The following ARHGEF6 variants were observed in gnomAD, a reference collection of about 807,000 sequenced individuals.
The protein encoded by ARHGEF6 is rho guanine nucleotide exchange factor 6.
Under a neutral mutation model 70.3 loss-of-function variants are expected in ARHGEF6, and 9 were observed. The ratio of observed to expected loss-of-function variants is 0.13; its 90% confidence interval spans 0.08 to 0.22. The LOEUF (loss-of-function observed/expected upper bound fraction) is 0.22. Among genes scored for constraint, ARHGEF6 ranks in the 10% least tolerant of loss-of-function variants. ARHGEF6 has a pLI of 1.00. For missense variants in ARHGEF6, 470 were observed against 563.0 expected (o/e 0.83, Z 1.67); for synonymous variants, 201 against 207.8 (o/e 0.97, Z 0.28).
At chrX:136,761,286 C>T (rs1335241206) in intron 2 of ARHGEF6, among the ~76,000 whole-genome samples, 2 of 111,947 alleles carry the variant, frequency 1.8e-5, no homozygotes, top group African/African-American at 6.5e-5. Context: ...AGAACTCTTA[C>T]AAGGAGTTCC....
At chrX:136,732,202 T>C in intron 5 of ARHGEF6, 30 bp from the exon 6 acceptor site, 2 of 1,085,963 alleles carry the variant, frequency 1.8e-6, no homozygotes, top group South Asian at 1.9e-5. Flanking sequence ...ATTATGTTAA[T>C]ATCACAGAAG....
In ARHGEF6 at chrX:136,743,797, A is replaced by G. The variant is rs1486922999; in HGVS notation, c.460-11T>C. On this transcript the variant is annotated splice_polypyrimidine_tract_variant and intron_variant, in intron 4 of 21. Transcript: ENST00000250617. Reference sequence around the variant, plus strand: ...ATTTTCCGTCATCTCCTAGAGAAACAAAAGCCACACCAGATTAAGCACTCA... The same window carrying G: ...ATTTTCCGTCATCTCCTAGAGAAACGAAAGCCACACCAGATTAAGCACTCA... 9.2e-6 allele frequency: 11 copies of G among 1,201,684 alleles called. No homozygotes were observed. Among genetic ancestry groups the G allele is most frequent in the Non-Finnish European group, 1.2e-5 (11 of 886,290 alleles).
chrX:136,708,546 GC>G, intron 8 of ARHGEF6, 128 bp downstream of exon 8: 1 of 522,348 alleles, frequency 1.9e-6, no homozygotes, highest in Non-Finnish European at 3.3e-6. Context: ...TCTATGTATT[GC>G]TACTTTGTTC....
intron 2 of ARHGEF6, among the ~76,000 whole-genome samples, chrX:136,752,052 CT>C (rs1458925437): frequency 1.8e-5 from 2 of 111,412 alleles, no homozygotes; most frequent in Non-Finnish European, 3.8e-5. Flanking sequence ...GCATGTACAC[CT>C]TATGTTTCCA....
At chrX:136,676,779 T>A in intron 17 of ARHGEF6, 62 bp from the exon 18 acceptor site, 1 of 779,412 alleles carries the variant, frequency 1.3e-6, no homozygotes, top group Non-Finnish European at 2.0e-6. Flanking sequence ...AGTAAAAGCA[T>A]GAATGAAACT....
At chrX:136,729,053 T>G (rs1385375035) in intron 6 of ARHGEF6, among the ~76,000 whole-genome samples, 1 of 24,766 alleles carries the variant, frequency 4.0e-5, no homozygotes, top group Non-Finnish European at 6.6e-5. Flanking sequence ...TCTCTCTCTC[T>G]CCTCCCCCAC....
At chrX:136,697,057 G>A (rs1422408897) in intron 9 of ARHGEF6, among the ~76,000 whole-genome samples, 1 of 111,096 alleles carries the variant, frequency 9.0e-6, no homozygotes, top group Admixed American at 9.6e-5. Context: ...AGGGTAGAGA[G>A]TTCCATGCTG....
Position 136,690,706 on chromosome X carries a change from G to C in ARHGEF6, c.1089C>G (p.Ser363Arg), listed in dbSNP as rs755410840. Residue 363 changes from serine (S) to arginine (R), a missense_variant, in exon 10 of 22, where the codon AGC (serine) becomes AGG (arginine). By Grantham distance (110) the Ser-to-Arg change is moderately radical (BLOSUM62 -1). Coordinates refer to ENST00000250617, the MANE Select transcript of ARHGEF6 (RefSeq NM_004840.3). ...TTGTTGTTAAAATGAGGATACCTGG[G>C]CTCGATGCACCTTGATTTTCCATGA... ...EQFMENQGAS[S>R]PGILILTTNL... is the part of the protein sequence containing the mutation. 13 of 1,210,382 alleles carry C rather than the reference G, an allele frequency of 1.1e-5. No individual in the cohort carries two copies. In the South Asian group the frequency reaches 1.9e-4, roughly 18 times the overall value.
intron 2 of ARHGEF6, among the ~76,000 whole-genome samples, chrX:136,779,120 C>A (rs2077427997): frequency 8.9e-6 from 1 of 111,829 alleles, no homozygotes; most frequent in South Asian, 3.7e-4. Flanking sequence ...CTTTTGGTTC[C>A]CCTTAGTAGG....
At chrX:136,683,654 G>A (rs1328128379) in intron 12 of ARHGEF6, among the ~76,000 whole-genome samples, 3 of 112,068 alleles carry the variant, frequency 2.7e-5, no homozygotes, top group African/African-American at 9.7e-5. Flanking sequence ...ACCTTGAAAC[G>A]TGAGGGCTGC....
At position 136,687,954 on chromosome X, in the gene ARHGEF6, A is replaced by G. The variant is rs748256917; in HGVS notation, c.1223T>C (p.Ile408Thr). 9.3e-5 allele frequency: 112 copies of G among 1,206,805 alleles called. No individual in the cohort carries two copies. The South Asian group carries it at 2.0e-3, about 21-fold the overall frequency. ...TACCATGAGAGTTTTGAATGCTACG[A>G]TTGCTTTCAGAATATCCTGATGATC... ...HPDHQDILKA[I>T]VAFKTLMGQC... Residue 408 changes from isoleucine to threonine, a missense_variant, in exon 11 of 22, where the codon ATC (isoleucine) becomes ACC (threonine). Transcript: ENST00000250617.
intron 5 of ARHGEF6, among the ~76,000 whole-genome samples, chrX:136,734,968 A>C (rs1219622145): frequency 2.7e-5 from 3 of 112,375 alleles, no homozygotes; most frequent in African/African-American, 9.7e-5. Flanking sequence ...AAAAATAAGA[A>C]TAAAGAAGAA....
Position 136,733,546 on chromosome X carries a change from C to T in ARHGEF6, c.662-1374G>A, listed in dbSNP as rs189125864. On this transcript the variant is annotated intron_variant, in intron 5 of 21. Coordinates refer to ENST00000250617, the MANE Select transcript of ARHGEF6 (RefSeq NM_004840.3). ...CACTCTTGGATCTTTCTAACCTTACCTGCAGTTTTATAATTCTTCTATTAC... is the reference window on the plus strand; with the variant it reads ...CACTCTTGGATCTTTCTAACCTTACTTGCAGTTTTATAATTCTTCTATTAC... Among the ~76,000 whole-genome samples, 4 of 111,561 alleles carry T rather than the reference C, an allele frequency of 3.6e-5. No individual in the cohort carries two copies. In the Admixed American group the frequency reaches 3.8e-4, roughly 11 times the overall value.
chrX:136,751,462 C>A (rs765415422), intron 2 of ARHGEF6, among the ~76,000 whole-genome samples: 5 of 112,002 alleles, frequency 4.5e-5, no homozygotes, highest in African/African-American at 1.6e-4. Flanking sequence ...TTACTGAGCT[C>A]CTGCTATGTT....
In ARHGEF6 at chrX:136,679,678, G is replaced by A; in HGVS notation, c.1705-18C>T. 5 of 1,211,451 alleles carry A rather than the reference G, an allele frequency of 4.1e-6. No individual in the cohort carries two copies. Among genetic ancestry groups the A allele is most frequent in the South Asian group, 1.8e-5 (1 of 56,990 alleles). ...CTAAAAGACTGGGAAAATGTCTGATGAGATGTTGGCAATCTGCCATCTGAA... is the reference window on the plus strand; with the variant it reads ...CTAAAAGACTGGGAAAATGTCTGATAAGATGTTGGCAATCTGCCATCTGAA... On this transcript the variant is annotated intron_variant, in intron 15 of 21. Transcript: ENST00000250617.
chrX:136,706,440 C>G (rs573010067), intron 9 of ARHGEF6, among the ~76,000 whole-genome samples: 26 of 111,379 alleles, frequency 2.3e-4, no homozygotes, highest in Middle Eastern at 9.3e-3. Flanking sequence ...GTCAGCAACT[C>G]AGAAAAAACA....
At chrX:136,711,723 G>A (rs771139016) in intron 7 of ARHGEF6, among the ~76,000 whole-genome samples, 1 of 109,937 alleles carries the variant, frequency 9.1e-6, no homozygotes, top group African/African-American at 3.3e-5. Flanking sequence ...CCACCAAGCC[G>A]AGCTAATTTG....
chrX:136,754,498 T>A (rs2077183804), intron 2 of ARHGEF6, among the ~76,000 whole-genome samples: 1 of 95,673 alleles, frequency 1.0e-5, no homozygotes, highest in South Asian at 4.8e-4. Flanking sequence ...GGTAGAAGAA[T>A]GGCTTGAATC....
chrX:136,767,217 C>G, intron 2 of ARHGEF6: 1 of 755,480 alleles, frequency 1.3e-6, no homozygotes, highest in Non-Finnish European at 1.6e-6. Flanking sequence ...CTCCTGGAAG[C>G]CGTTCGCCCT....
Sources: gnomAD v4.1 joint callset for allele counts (sites outside exome capture counted in the v4.1 genomes callset) on GRCh38, gnomAD v4.1.1 for gene constraint, MANE v1.5 for transcripts, NCBI Gene and HGNC (gene_info 2026-07-23, HGNC 2026-07-21) for gene names.